The following ZC3H14 variants were observed in gnomAD, a reference collection of about 807,000 sequenced individuals.
ZC3H14 encodes zinc finger CCCH-type containing 14.
Under a neutral mutation model 92.4 loss-of-function variants are expected in ZC3H14, and 31 were observed. The ratio of observed to expected loss-of-function variants is 0.34; its 90% confidence interval spans 0.25 to 0.45. The LOEUF (loss-of-function observed/expected upper bound fraction) is 0.45. Ranked by LOEUF, ZC3H14 falls within the 20% of genes least tolerant of loss-of-function variation. The pLI, the probability that ZC3H14 is intolerant of heterozygous loss-of-function variation, is 1.00. For missense variants in ZC3H14, 781 were observed against 897.3 expected, an observed-to-expected ratio of 0.87 and a Z score of 1.66; for synonymous variants, 321 against 300.9, an observed-to-expected ratio of 1.07 and a Z score of -0.69.
In ZC3H14 at chr14:88,626,865, C is replaced by G. The variant is rs777234270; in HGVS notation, c.*15114C>G. The stretch of plus-strand genomic sequence containing the variant: ...CACCAAATGCAATAGCGAGCATGGT[C>G]TGCATCCGGGCATCTTCCAGTGTGC... On this transcript the variant is annotated 3_prime_UTR_variant, in exon 17 of 17. Coordinates refer to ENST00000251038, the MANE Select transcript of ZC3H14 (RefSeq NM_024824.5). 1.2e-6 allele frequency: 2 copies of G among 1,613,918 alleles called. No homozygotes were observed. Among genetic ancestry groups the G allele is most frequent in the Non-Finnish European group, 8.5e-7 (1 of 1,179,854 alleles).
At position 88,612,813 on chromosome 14, in the gene ZC3H14, G is replaced by C. The variant is rs2086980530; in HGVS notation, c.*1062G>C. Reference sequence around the variant, plus strand: ...TTTTTTGTGTGTGGTTTTTAAAACTGTTAAGGCAAGAAGTGTCAAATGCTT... The same window carrying C: ...TTTTTTGTGTGTGGTTTTTAAAACTCTTAAGGCAAGAAGTGTCAAATGCTT... On this transcript the variant is annotated 3_prime_UTR_variant, in exon 17 of 17. Transcript: ENST00000251038. 1 of 152,480 alleles carries C rather than the reference G, an allele frequency of 6.6e-6. No individual in the cohort carries two copies. Among genetic ancestry groups the C allele is most frequent in the Non-Finnish European group, 1.5e-5 (1 of 68,006 alleles). The allele number at this position is 152,480 out of a possible 1,614,324, so 9.4% of individuals were successfully genotyped here.
chr14:88,601,967 A>T lies in ZC3H14; in HGVS notation c.1398A>T (p.Ser466=). The change falls in exon 11 of 17, where the codon TCA becomes TCT. Residue 466 remains serine, a synonymous_variant. Transcript: ENST00000251038. ...CCATGGTCCATGCAGACACAAGATC[A>T]TTTATTCTGAAGAAGCCAAAGCTGT... The part of the protein sequence containing the change: ...MESMVHADTR[S]FILKKPKLSE... The T allele has an allele frequency of 6.2e-7, 1 of 1,614,162 alleles. No individual in the cohort carries two copies. Among genetic ancestry groups the T allele is most frequent in the African/African-American group, 1.3e-5 (1 of 75,044 alleles).
Position 88,572,906 on chromosome 14 carries a change from G to A in ZC3H14, c.760G>A (p.Val254Ile), listed in dbSNP as rs138503600. The A allele has an allele frequency of 6.9e-5, 112 of 1,614,184 alleles. No homozygotes were observed. In the African/African-American group the frequency reaches 1.4e-3, roughly 20 times the overall value. Residue 254 changes from valine (V) to isoleucine (I), a missense_variant, in exon 6 of 17, where the codon GTA becomes ATA. Physicochemically the swap from Val to Ile is conservative, Grantham distance 29. This residue lies in a region of ZC3H14 where 454 missense variants were observed against 438.5 expected (regional missense o/e 1.04). Coordinates refer to ENST00000251038, the MANE Select transcript of ZC3H14 (RefSeq NM_024824.5). ...AKQLDMQSSWVYETGRLCEPE... is the reference protein window; with the variant it reads ...AKQLDMQSSWIYETGRLCEPE... Reference sequence around the variant, plus strand: ...GCAGCTTGATATGCAGAGTAGTTGGGTATATGAAACAGGACGTTTGTGTGA... The same window carrying A: ...GCAGCTTGATATGCAGAGTAGTTGGATATATGAAACAGGACGTTTGTGTGA...
chr14:88,609,355 C>A lies in ZC3H14; in HGVS notation c.1957C>A (p.Pro653Thr). The change falls in exon 14 of 17, where the codon CCC (proline) becomes ACC (threonine). Residue 653 changes from proline to threonine, a missense_variant. By Grantham distance (38) the Pro-to-Thr change is conservative. This residue lies in a region of ZC3H14 where 221 missense variants were observed against 304.7 expected (regional missense o/e 0.73). Transcript: ENST00000251038. ...YDAKCTKPDCPFTHVSRRIPV... is the reference protein window; with the variant it reads ...YDAKCTKPDCTFTHVSRRIPV... ...TGCAAAGTGTACTAAACCAGATTGTCCCTTCACTCATGTGAGTAGAAGAAT... is the reference window on the plus strand; with the variant it reads ...TGCAAAGTGTACTAAACCAGATTGTACCTTCACTCATGTGAGTAGAAGAAT... 1 of 1,613,970 alleles carries A rather than the reference C, an allele frequency of 6.2e-7. No homozygotes were observed.
intron 7 of ZC3H14, among the ~76,000 whole-genome samples, chr14:88,575,506 G>A (rs530033756): frequency 3.3e-5 from 5 of 152,098 alleles, no homozygotes; most frequent in African/African-American, 4.8e-5. Context: ...CAGCCTGGGC[G>A]ATGTAATGAG....
rs10682918 is a variant in ZC3H14, at chr14:88,571,138, C to CA, written c.235+14_235+15insA. 0.011 allele frequency: 15,731 copies of CA among 1,397,666 alleles called. 15 individuals are homozygous for CA. The highest frequency in any genetic ancestry group is 0.014 in the South Asian group (1,092 of 76,842). The allele number at this position is 1,397,666 out of a possible 1,614,324, so 86.6% of individuals were successfully genotyped here. ...CTGTTACAACTGGTAAGATTCATAA[C>CA]TTTTTTTTTTAATTTCTGCTTGCTA... On this transcript the variant is annotated intron_variant, in intron 4 of 16. Coordinates refer to ENST00000251038, the MANE Select transcript of ZC3H14 (RefSeq NM_024824.5).
chr14:88,574,506 G>C (rs975319772), intron 6 of ZC3H14, 187 bp from the exon 7 acceptor site: 1 of 671,380 alleles, frequency 1.5e-6, no homozygotes, highest in African/African-American at 1.8e-5. Context: ...GCCTTCCAAA[G>C]TGCTAGGATT....
chr14:88,603,879 A>G (rs1303373661), intron 12 of ZC3H14, among the ~76,000 whole-genome samples: 1 of 152,234 alleles, frequency 6.6e-6, no homozygotes, highest in East Asian at 1.9e-4. Flanking sequence ...AAAATAGAAT[A>G]GACTTCAGAG....
At chr14:88,605,483 C>T (rs1013423941) in intron 12 of ZC3H14, among the ~76,000 whole-genome samples, 2 of 152,184 alleles carry the variant, frequency 1.3e-5, no homozygotes, top group Non-Finnish European at 2.9e-5. Context: ...CAGGTGCACA[C>T]CACCATGCCT....
At chr14:88,577,864 C>A in intron 8 of ZC3H14, 121 bp from the exon 9 acceptor site, 1 of 1,327,220 alleles carries the variant, frequency 7.5e-7, no homozygotes, top group Non-Finnish European at 1.1e-6. Context: ...CCACTGCGCC[C>A]AGCCTGAACT....
In ZC3H14 at chr14:88,621,381, T is replaced by C. The variant is rs760760999; in HGVS notation, c.*9630T>C. ...CTTCATAATATAAAAATGACCCTAT[T>C]GACCTGCTTTCAGAGAACTTTTTGC... On this transcript the variant is annotated 3_prime_UTR_variant, in exon 17 of 17. Coordinates refer to ENST00000251038, the MANE Select transcript of ZC3H14 (RefSeq NM_024824.5). The C allele has an allele frequency of 6.4e-7, 1 of 1,552,088 alleles. No homozygotes were observed. The highest frequency in any genetic ancestry group is 2.2e-5 in the East Asian group (1 of 44,450).
At position 88,615,984 on chromosome 14, in the gene ZC3H14, A is replaced by G; in HGVS notation, c.*4233A>G. The G allele has an allele frequency of 1.6e-6, 2 of 1,264,134 alleles. No homozygotes were observed. The highest frequency in any genetic ancestry group is 2.8e-5 in the South Asian group (2 of 71,914). 78.3% of individuals were successfully genotyped at this position (1,264,134 alleles called of 1,614,324 possible). ...TCCTCTTTAACTCCTTTTATTCTGT[A>G]TTTGCATAAATATGAGATTCTGAAG... On this transcript the variant is annotated 3_prime_UTR_variant, in exon 17 of 17. Transcript: ENST00000251038.
rs2087389365 is a variant in ZC3H14, at chr14:88,615,135, A to G, written c.*3384A>G. On this transcript the variant is annotated 3_prime_UTR_variant, in exon 17 of 17. Transcript: ENST00000251038. The stretch of plus-strand genomic sequence containing the variant: ...GCGATTACAGAGATGGCATCTGAAC[A>G]TAAACTGATGGCTCGAAAATGAAAA... The G allele has an allele frequency of 6.6e-6, 1 of 152,214 alleles. No homozygotes were observed. Among genetic ancestry groups the G allele is most frequent in the African/African-American group, 2.4e-5 (1 of 41,458 alleles). 9.4% of individuals were successfully genotyped at this position (152,214 alleles called of 1,614,324 possible). A position where few individuals can be genotyped will look rare whatever the true frequency, so the allele number is the denominator to read the frequency against.
At chr14:88,581,926 A>G (rs2081957271) in intron 9 of ZC3H14, among the ~76,000 whole-genome samples, 1 of 152,232 alleles carries the variant, frequency 6.6e-6, no homozygotes, top group Non-Finnish European at 1.5e-5. Flanking sequence ...TTGAACATTT[A>G]TGCTGTCTTT....
In ZC3H14 at chr14:88,572,236, G is replaced by A. The variant is rs753552361; in HGVS notation, c.431+11G>A. 6.2e-7 allele frequency: 1 copy of A among 1,613,832 alleles called. No individual in the cohort carries two copies. Among genetic ancestry groups the A allele is most frequent in the Admixed American group, 1.7e-5 (1 of 60,022 alleles). On this transcript the variant is annotated intron_variant, in intron 5 of 16. Coordinates refer to ENST00000251038, the MANE Select transcript of ZC3H14 (RefSeq NM_024824.5). Reference sequence around the variant, plus strand: ...AACCACAAATGTCAGGTAAGAGTCTGGTGTAGACCTGCTGGGGGCAGATGG... The same window carrying A: ...AACCACAAATGTCAGGTAAGAGTCTAGTGTAGACCTGCTGGGGGCAGATGG...
At chr14:88,589,087 T>C (rs2082790479) in intron 9 of ZC3H14, 1 of 152,262 alleles carries the variant, frequency 6.6e-6, no homozygotes, top group South Asian at 2.1e-4. Flanking sequence ...CTTTCGATTA[T>C]GGAATTTTTT....
intron 8 of ZC3H14, among the ~76,000 whole-genome samples, 156 bp from the exon 9 acceptor site, chr14:88,577,829 A>G (rs575678246): frequency 6.6e-6 from 1 of 152,284 alleles, no homozygotes; most frequent in African/African-American, 2.4e-5. Flanking sequence ...CTTGCCTCCC[A>G]AAGTGCTGAG....
At chr14:88,601,274 C>T (rs1026064666) in intron 10 of ZC3H14, among the ~76,000 whole-genome samples, 2 of 152,152 alleles carry the variant, frequency 1.3e-5, no homozygotes, top group African/African-American at 4.8e-5. Flanking sequence ...AACTTCAGTC[C>T]GTTGATGGCG....
intron 2 of ZC3H14, among the ~76,000 whole-genome samples, chr14:88,567,429 T>TC: frequency 6.6e-6 from 1 of 151,726 alleles, no homozygotes; most frequent in East Asian, 1.9e-4. Context: ...TTCTTTTTTT[T>TC]TTTTTTTTAT....
Sources: gnomAD v4.1 joint callset for allele counts (sites outside exome capture counted in the v4.1 genomes callset) on GRCh38, gnomAD v4.1.1 for gene constraint, gnomAD v4.1.1 regional missense constraint, MANE v1.5 for transcripts, NCBI Gene and HGNC (gene_info 2026-07-23, HGNC 2026-07-21) for gene names.